The following PDZK1IP1 variants were observed in gnomAD, a reference collection of about 807,000 sequenced individuals.
PDZK1IP1 encodes PDZK1-interacting protein 1.
In PDZK1IP1, 9 loss-of-function variants were observed where a neutral mutation model predicts 14.7. That is an observed-to-expected ratio of 0.61 (90% confidence interval 0.37 to 1.07). The LOEUF (loss-of-function observed/expected upper bound fraction) is 1.07, where lower values mean the gene tolerates loss of function less well. Ranked by LOEUF, PDZK1IP1 falls within the 50% of genes least tolerant of loss-of-function variation. The probability of loss-of-function intolerance (pLI) is 0.01; values close to 1 mark genes in which losing one functional copy is unlikely to be tolerated. For synonymous variants in PDZK1IP1, 70 were observed against 61.2 expected (o/e 1.14, Z -0.67); for missense variants, 152 against 148.7 (o/e 1.02, Z -0.11).
intron 3 of PDZK1IP1, 132 bp from the exon 4 acceptor site, chr1:47,184,175 T>C: frequency 1.4e-6 from 1 of 721,512 alleles, no homozygotes; most frequent in Admixed American, 2.2e-5. Context: ...GGGATTGTCC[T>C]GACCACATCT....
intron 1 of PDZK1IP1, among the ~76,000 whole-genome samples, chr1:47,189,492 C>T (rs541835864): frequency 6.6e-6 from 1 of 152,296 alleles, no homozygotes; most frequent in Non-Finnish European, 1.5e-5. Context: ...GTTCTCTATC[C>T]AAGCCCAAGA....
intron 2 of PDZK1IP1, among the ~76,000 whole-genome samples, chr1:47,186,319 GA>G (rs60716699): frequency 0.22 from 30,356 of 140,178 alleles, 3,164 homozygotes; most frequent in East Asian, 0.35. Flanking sequence ...CAAAAAAAAA[GA>G]AAAAAAAAAA....
In PDZK1IP1 at chr1:47,183,964, GAGA is replaced by G. The variant is rs748471450; in HGVS notation, c.*4_*6del. ...TGGGAGTCTTGGGGTTGGAGCCACA[GAGA>G]AGGTTACATCGGGGTGCTGCGGACC... On this transcript the variant is annotated 3_prime_UTR_variant, in exon 4 of 4. Transcript: ENST00000294338. 4.4e-6 allele frequency: 7 copies of G among 1,591,488 alleles called. No homozygotes were observed. The highest frequency in any genetic ancestry group is 5.1e-6 in the Non-Finnish European group (6 of 1,167,526).
Position 47,187,376 on chromosome 1 carries a change from A to G in PDZK1IP1, c.119T>C (p.Phe40Ser). Residue 40 changes from phenylalanine to serine, a missense_variant, in exon 2 of 4, where the codon TTC (phenylalanine) becomes TCC (serine). Transcript: ENST00000294338. ...WMQGLIAVAV[F>S]LVLVAIAFAV... ...AAAGGCGATTGCAACGAGGACCAGG[A>G]ACACGGCCACCGCGATAAGGCCCTG... 1 of 1,612,892 alleles carries G rather than the reference A, an allele frequency of 6.2e-7. No homozygotes were observed. The highest frequency in any genetic ancestry group is 8.5e-7 in the Non-Finnish European group (1 of 1,179,986).
intron 2 of PDZK1IP1, among the ~76,000 whole-genome samples, chr1:47,185,784 G>A (rs990410149): frequency 3.3e-5 from 5 of 152,006 alleles, no homozygotes; most frequent in Non-Finnish European, 7.4e-5. Flanking sequence ...GCTGCTGTCT[G>A]TGACGACCAA....
chr1:47,188,461 C>G (rs1360285743), intron 1 of PDZK1IP1, among the ~76,000 whole-genome samples: 1 of 152,240 alleles, frequency 6.6e-6, no homozygotes, highest in Non-Finnish European at 1.5e-5. Flanking sequence ...AGAGAAAAGA[C>G]CCTCAGCGGG....
intron 2 of PDZK1IP1, among the ~76,000 whole-genome samples, chr1:47,187,047 C>T (rs951993229): frequency 7.9e-5 from 12 of 152,196 alleles, no homozygotes; most frequent in African/African-American, 2.9e-4. Flanking sequence ...CTCCAAGAAG[C>T]GAAGCCGTTT....
Position 47,187,464 on chromosome 1 carries a change from C to G in PDZK1IP1, c.68-37G>C, listed in dbSNP as rs368888060. The G allele has an allele frequency of 1.8e-4, 276 of 1,531,004 alleles. No individual in the cohort carries two copies. In the African/African-American group the frequency reaches 3.1e-3, roughly 17 times the overall value. The allele number at this position is 1,531,004 out of a possible 1,614,324, so 94.8% of individuals were successfully genotyped here. On this transcript the variant is annotated intron_variant, in intron 1 of 3. Transcript: ENST00000294338. The stretch of plus-strand genomic sequence containing the variant: ...AGAGGGGCTGTAGCAGACGGGGCCA[C>G]AGTGGGGCTGCATGTGCAGGAGAGC...
chr1:47,188,810 A>T (rs183336798), intron 1 of PDZK1IP1, among the ~76,000 whole-genome samples: 99 of 152,296 alleles, frequency 6.5e-4, no homozygotes, highest in Admixed American at 1.1e-3. Flanking sequence ...GCCAAAAAGC[A>T]GTATTTGGGA....
At chr1:47,188,468 C>T (rs572310627) in intron 1 of PDZK1IP1, among the ~76,000 whole-genome samples, 4 of 152,318 alleles carry the variant, frequency 2.6e-5, no homozygotes, top group South Asian at 2.1e-4. Flanking sequence ...AGACCCTCAG[C>T]GGGGAGAAGT....
intron 2 of PDZK1IP1, chr1:47,185,383 G>A: frequency 2.5e-6 from 1 of 397,660 alleles, no homozygotes. Flanking sequence ...AGGCCCTGCA[G>A]GATGCAGTGT....
chr1:47,185,355 C>CA (rs1298105332), intron 2 of PDZK1IP1: 2 of 453,646 alleles, frequency 4.4e-6, no homozygotes, highest in East Asian at 8.8e-5. Flanking sequence ...CAGACGCCCT[C>CA]AGTTCAGCCT....
intron 1 of PDZK1IP1, among the ~76,000 whole-genome samples, chr1:47,188,867 T>C (rs1222850010): frequency 2.0e-5 from 3 of 152,182 alleles, no homozygotes; most frequent in African/African-American, 2.4e-5. Context: ...GGTCAGTGGT[T>C]GCTCAAGCAT....
chr1:47,187,390 G>A lies in PDZK1IP1; in HGVS notation c.105C>T (p.Ile35=), dbSNP rs1343099761. Residue 35 remains isoleucine (I), a synonymous_variant, in exon 2 of 4, where the codon ATC becomes ATT. Coordinates refer to ENST00000294338, the MANE Select transcript of PDZK1IP1 (RefSeq NM_005764.4). ...GNLQPWMQGL[I]AVAVFLVLVA... ...CGAGGACCAGGAACACGGCCACCGC[G>A]ATAAGGCCCTGCATCCAGGGCTGAA... 3 of 1,612,768 alleles carry A rather than the reference G, an allele frequency of 1.9e-6. No individual in the cohort carries two copies. Among genetic ancestry groups the A allele is most frequent in the Admixed American group, 1.7e-5 (1 of 60,006 alleles).
intron 2 of PDZK1IP1, chr1:47,185,476 G>A (rs1645313512): frequency 8.4e-6 from 2 of 239,470 alleles, no homozygotes; most frequent in Non-Finnish European, 1.6e-5. Context: ...TGGGGCAGGT[G>A]GAGAAAGTCT....
chr1:47,187,117 G>A (rs1229105673), intron 2 of PDZK1IP1, among the ~76,000 whole-genome samples: 8 of 152,224 alleles, frequency 5.3e-5, no homozygotes, highest in Admixed American at 2.0e-4. Flanking sequence ...CCAGGTCTGG[G>A]AGCCAGCAAG....
chr1:47,184,400 TC>T (rs1212094388), intron 3 of PDZK1IP1, among the ~76,000 whole-genome samples: 12 of 12,902 alleles, frequency 9.3e-4, no homozygotes, highest in South Asian at 2.6e-3. Context: ...ATTAAACCCA[TC>T]CCCCACTGAG....
chr1:47,184,617 C>G (rs113941853), intron 3 of PDZK1IP1, among the ~76,000 whole-genome samples: 1 of 77,360 alleles, frequency 1.3e-5, no homozygotes, highest in African/African-American at 4.6e-5. Flanking sequence ...GTGAACCCAT[C>G]CCCCACTGAG....
rs1413018826 is a variant in PDZK1IP1, at chr1:47,184,118, A to G, written c.273-75T>C. ...TCCCCTTCTCCCTGCCCCTTCCTGC[A>G]CTTGTGACAGTAATAGCTTCCAGAA... On this transcript the variant is annotated intron_variant, in intron 3 of 3. Coordinates refer to ENST00000294338, the MANE Select transcript of PDZK1IP1 (RefSeq NM_005764.4). The G allele has an allele frequency of 1.1e-5, 12 of 1,124,378 alleles. No homozygotes were observed. In the East Asian group the frequency reaches 1.5e-4, roughly 14 times the overall value. 69.7% of individuals were successfully genotyped at this position (1,124,378 alleles called of 1,614,324 possible). A position where few individuals can be genotyped will look rare whatever the true frequency, so the allele number is the denominator to read the frequency against.
Sources: allele counts gnomAD v4.1 joint callset (sites outside exome capture counted in the v4.1 genomes callset), GRCh38; gene constraint gnomAD v4.1.1; transcripts MANE v1.5; gene names NCBI Gene and HGNC (gene_info 2026-07-23, HGNC 2026-07-21).